Variants in GBP6 observed in about 807,000 individuals in gnomAD.
GBP6 encodes guanylate-binding protein 6.
GBP6 carries 54 observed loss-of-function variants against 61.5 expected under a neutral mutation model. That is an observed-to-expected ratio of 0.88 (90% CI 0.71 to 1.10). The LOEUF is 1.10. Ranked by LOEUF, GBP6 falls within the 50% of genes least tolerant of loss-of-function variation. The pLI is 0.00. For missense variants in GBP6, 748 were observed against 752.8 expected, an observed-to-expected ratio of 0.99 and a Z score of 0.07; for synonymous variants, 255 against 273.7, an observed-to-expected ratio of 0.93 and a Z score of 0.67.
chr1:89,380,922 A>C (rs1652959770), intron 6 of GBP6, among the ~76,000 whole-genome samples: 1 of 152,226 alleles, frequency 6.6e-6, no homozygotes, highest in African/African-American at 2.4e-5. Context: ...TCTTAGGGGA[A>C]ATATTTTCTA....
At chr1:89,365,143 A>G (rs1024558958) in intron 1 of GBP6, among the ~76,000 whole-genome samples, 1 of 152,220 alleles carries the variant, frequency 6.6e-6, no homozygotes, top group African/African-American at 2.4e-5. Flanking sequence ...TGCACAGCAA[A>G]AGAAACTATC....
chr1:89,367,661 G>A (rs1652502217), intron 1 of GBP6, among the ~76,000 whole-genome samples: 1 of 152,102 alleles, frequency 6.6e-6, no homozygotes, highest in African/African-American at 2.4e-5. Context: ...ATGATGAAGT[G>A]TGGTGTATCT....
At position 89,381,940 on chromosome 1, in the gene GBP6, A is replaced by G. The variant is rs1294344213; in HGVS notation, c.1118A>G (p.Lys373Arg). Reference sequence around the variant, plus strand: ...GCAATCTTCATGGAGCACTCCTTCAAGGATGAAAATCAGGAATTCCAGAAG... The same window carrying G: ...GCAATCTTCATGGAGCACTCCTTCAGGGATGAAAATCAGGAATTCCAGAAG... ...AIAIFMEHSF[K>R]DENQEFQKKF... Residue 373 changes from lysine (K) to arginine (R), a missense_variant, in exon 7 of 11, where the codon AAG becomes AGG. Lys to Arg is a conservative substitution (Grantham distance 26, BLOSUM62 2). Transcript: ENST00000370456. The G allele has an allele frequency of 6.2e-7, 1 of 1,612,018 alleles. No individual in the cohort carries two copies.
Position 89,370,058 on chromosome 1 carries a change from T to C in GBP6, c.318+385T>C, listed in dbSNP as rs148367469. On this transcript the variant is annotated intron_variant, in intron 3 of 10. Transcript: ENST00000370456. ...GGAGATGGGAATGCAATGCAATCCCTGCCCTCTGTCAATTCCATAGGGAAC... is the reference window on the plus strand; with the variant it reads ...GGAGATGGGAATGCAATGCAATCCCCGCCCTCTGTCAATTCCATAGGGAAC... 5.3e-5 allele frequency among the ~76,000 whole-genome samples: 8 copies of C among 152,316 alleles called. No homozygotes were observed. In the East Asian group the frequency reaches 1.5e-3, roughly 29 times the overall value.
chr1:89,386,639 C>T lies in GBP6; in HGVS notation c.*1170C>T, dbSNP rs1653152733. ...GACTAAGGCATACACTTTTCTGTGG[C>T]CTTTGAAATCTCAGCTACAGTAGCC... On this transcript the variant is annotated 3_prime_UTR_variant, in exon 11 of 11. Coordinates refer to ENST00000370456, the MANE Select transcript of GBP6 (RefSeq NM_198460.3). Among the ~76,000 whole-genome samples, 2 of 152,154 alleles carry T rather than the reference C, an allele frequency of 1.3e-5. No individual in the cohort carries two copies. Among genetic ancestry groups the T allele is most frequent in the African/African-American group, 4.8e-5 (2 of 41,432 alleles).
In GBP6 at chr1:89,380,465, C is replaced by G. The variant is rs1414810651; in HGVS notation, c.705C>G (p.Val235=). 2.5e-6 allele frequency: 4 copies of G among 1,614,106 alleles called. No individual in the cohort carries two copies. Among genetic ancestry groups the G allele is most frequent in the Non-Finnish European group, 3.4e-6 (4 of 1,180,012 alleles). Residue 235 remains valine (V), a synonymous_variant, in exon 6 of 11, where the codon GTC becomes GTG. Coordinates refer to ENST00000370456, the MANE Select transcript of GBP6 (RefSeq NM_198460.3). ...RRFFPKRKCF[V]FDRPTNDKDL... is the part of the protein sequence containing the mutation. Reference sequence around the variant, plus strand: ...TCTTTCCAAAACGGAAGTGTTTCGTCTTTGACCGGCCAACAAATGACAAAG... The same window carrying G: ...TCTTTCCAAAACGGAAGTGTTTCGTGTTTGACCGGCCAACAAATGACAAAG...
intron 3 of GBP6, among the ~76,000 whole-genome samples, chr1:89,371,899 G>T (rs963162152): frequency 2.2e-4 from 34 of 152,180 alleles, no homozygotes; most frequent in Non-Finnish European, 4.7e-4. Context: ...TGACATGATT[G>T]TATATCTAGA....
rs372267998 is a variant in GBP6 at position 89,384,297 on chromosome 1, C to T, written c.1662+11C>T. 6.2e-7 allele frequency: 1 copy of T among 1,600,132 alleles called. No individual in the cohort carries two copies. The highest frequency in any genetic ancestry group is 1.1e-5 in the South Asian group (1 of 88,936). ...GAGCACACGCAGAAGGTAAGTCTGC[C>T]CTTGGCCTCAGCAGGCCAGACGGTC... On this transcript the variant is annotated intron_variant, in intron 10 of 10. Transcript: ENST00000370456.
chr1:89,364,952 CT>C (rs1177439985), intron 1 of GBP6, among the ~76,000 whole-genome samples: 1 of 151,632 alleles, frequency 6.6e-6, no homozygotes. Context: ...TCCCCTTGCC[CT>C]CCACCCACTG....
At position 89,380,829 on chromosome 1, in the gene GBP6, T is replaced by A. The variant is rs138885210; in HGVS notation, c.871+198T>A. ...TCTCCAATATTGCAAACTCTGTCAC[T>A]GATATCTGTGGCTTCCACATATCTG... On this transcript the variant is annotated intron_variant, in intron 6 of 10. Coordinates refer to ENST00000370456, the MANE Select transcript of GBP6 (RefSeq NM_198460.3). 8.2e-4 allele frequency among the ~76,000 whole-genome samples: 125 copies of A among 152,354 alleles called. 5 individuals carry two copies. In the East Asian group the frequency reaches 0.023, roughly 28 times the overall value.
chr1:89,382,937 C>T (rs1653023792), intron 8 of GBP6, 61 bp downstream of exon 8: 4 of 1,079,476 alleles, frequency 3.7e-6, no homozygotes, highest in Non-Finnish European at 5.7e-6. Flanking sequence ...TCTTCAGCAC[C>T]AGCCGTGGGT....
chr1:89,382,594 C>T (rs1167551402), intron 7 of GBP6, 70 bp from the exon 8 acceptor site: 2 of 1,273,138 alleles, frequency 1.6e-6, no homozygotes, highest in South Asian at 1.3e-5. Flanking sequence ...TTGACTCTAC[C>T]ACCAGATTCT....
Position 89,369,599 on chromosome 1 carries a change from T to G in GBP6, c.244T>G (p.Cys82Gly), listed in dbSNP as rs768219359. The stretch of plus-strand genomic sequence containing the variant: ...TGAAACCAAGGGCATCTGGATGTGG[T>G]GCGTGCCCCACCCATCCAAGCCAAA... ...QSETKGIWMW[C>G]VPHPSKPNHT... Residue 82 changes from cysteine (C) to glycine (G), a missense_variant, in exon 3 of 11, where the codon TGC becomes GGC. Cys to Gly is a radical substitution (Grantham distance 159). Transcript: ENST00000370456. 8 of 1,613,968 alleles carry G rather than the reference T, an allele frequency of 5.0e-6. No individual in the cohort carries two copies. In the African/African-American group the frequency reaches 1.1e-4, roughly 22 times the overall value.
intron 3 of GBP6, among the ~76,000 whole-genome samples, chr1:89,376,788 G>T (rs559128741): frequency 6.6e-6 from 1 of 152,028 alleles, no homozygotes; most frequent in Non-Finnish European, 1.5e-5. Context: ...GTGGCTTGAG[G>T]CTAGGAGTTA....
chr1:89,364,260 T>G (rs972006648), intron 1 of GBP6, 133 bp downstream of exon 1: 2 of 152,296 alleles, frequency 1.3e-5, no homozygotes, highest in African/African-American at 4.8e-5. Context: ...TGTGGCTGGC[T>G]TTAGTTCTGG....
chr1:89,370,332 C>T (rs1652593466), intron 3 of GBP6, among the ~76,000 whole-genome samples: 1 of 152,158 alleles, frequency 6.6e-6, no homozygotes, highest in Non-Finnish European at 1.5e-5. Context: ...TCTCACCCAC[C>T]TTCTGAGCTA....
intron 1 of GBP6, among the ~76,000 whole-genome samples, chr1:89,367,197 T>C (rs1361418780): frequency 6.6e-6 from 1 of 152,206 alleles, no homozygotes; most frequent in Non-Finnish European, 1.5e-5. Context: ...TGATCAAATG[T>C]TAATTGTATG....
At chr1:89,383,492 G>A (rs1382583710) in intron 8 of GBP6, among the ~76,000 whole-genome samples, 160 bp from the exon 9 acceptor site, 1 of 152,160 alleles carries the variant, frequency 6.6e-6, no homozygotes, top group Non-Finnish European at 1.5e-5. Context: ...GAATTGAGGA[G>A]GGGCTCTGGT....
At chr1:89,372,907 T>C (rs1652686935) in intron 3 of GBP6, among the ~76,000 whole-genome samples, 1 of 152,114 alleles carries the variant, frequency 6.6e-6, no homozygotes, top group South Asian at 2.1e-4. Flanking sequence ...ATTTTTGCAA[T>C]TGACTCATCT....
Sources: gnomAD v4.1 joint callset for allele counts (sites outside exome capture counted in the v4.1 genomes callset) on GRCh38, gnomAD v4.1.1 for gene constraint, MANE v1.5 for transcripts, NCBI Gene and HGNC (gene_info 2026-07-23, HGNC 2026-07-21) for gene names.